HBP1: variants seen among roughly 807,000 people sequenced by gnomAD.
HBP1 encodes HMG box-containing protein 1.
Under a neutral mutation model 62.6 loss-of-function variants are expected in HBP1, and 20 were observed. That is an observed-to-expected ratio of 0.32 (90% confidence interval 0.22 to 0.46). The LOEUF (loss-of-function observed/expected upper bound fraction) is 0.46, where lower values mean the gene tolerates loss of function less well. HBP1 is among the 20% of genes least tolerant of loss of function. The pLI is 1.00. For missense variants in HBP1, 480 were observed against 611.8 expected, an observed-to-expected ratio of 0.78 and a Z score of 2.27; for synonymous variants, 232 against 206.2, an observed-to-expected ratio of 1.12 and a Z score of -1.07.
chr7:107,183,973 TAG>T (rs1259575826), intron 3 of HBP1, among the ~76,000 whole-genome samples: 1 of 152,172 alleles, frequency 6.6e-6, no homozygotes, highest in African/African-American at 2.4e-5. Context: ...TACCCCTGAA[TAG>T]AGAGAGAGAT....
chr7:107,180,813 A>G (rs1466355815), intron 2 of HBP1, among the ~76,000 whole-genome samples: 1 of 152,188 alleles, frequency 6.6e-6, no homozygotes, highest in East Asian at 1.9e-4. Context: ...TCTGGACCCT[A>G]GTATTTATTG....
At chr7:107,199,254 A>G (rs1173204796) in intron 9 of HBP1, among the ~76,000 whole-genome samples, 4 of 152,008 alleles carry the variant, frequency 2.6e-5, no homozygotes, top group African/African-American at 9.7e-5. Context: ...CCTGGCAAAT[A>G]GTAGAGATGG....
chr7:107,195,178 C>T (rs1385009520), intron 8 of HBP1, among the ~76,000 whole-genome samples: 5 of 152,180 alleles, frequency 3.3e-5, no homozygotes, highest in African/African-American at 7.2e-5. Context: ...TGTGCTGCCA[C>T]GCCTAGCTGA....
At chr7:107,180,918 C>T (rs560900379) in intron 2 of HBP1, among the ~76,000 whole-genome samples, 4 of 152,060 alleles carry the variant, frequency 2.6e-5, no homozygotes, top group South Asian at 4.2e-4. Context: ...AACTTAGGGC[C>T]GAGGGGAGTA....
rs1348390072 is a variant in HBP1, at chr7:107,202,488, T to TATTA, written c.*1058_*1061dup. The TATTA allele has an allele frequency of 1.3e-5, 2 of 152,614 alleles. No individual in the cohort carries two copies. Among genetic ancestry groups the TATTA allele is most frequent in the African/African-American group, 4.8e-5 (2 of 41,448 alleles). The allele number at this position is 152,614 out of a possible 1,614,324, so 9.5% of individuals were successfully genotyped here. A position where few individuals can be genotyped will look rare whatever the true frequency, so the allele number is the denominator to read the frequency against. ...AAATTTTGCACACTATATTCTTGTA[T>TATTA]ATTATTTCAAATAAATGGAAAAAAA... On this transcript the variant is annotated 3_prime_UTR_variant, in exon 11 of 11. Transcript: ENST00000222574.
intron 6 of HBP1, among the ~76,000 whole-genome samples, chr7:107,187,496 A>C (rs1167257775): frequency 6.6e-6 from 1 of 152,176 alleles, no homozygotes; most frequent in Non-Finnish European, 1.5e-5. Context: ...TAATTTCTCC[A>C]TCTCTCCTGT....
intron 2 of HBP1, 48 bp downstream of exon 2, chr7:107,180,110 A>C (rs1168997314): frequency 7.8e-7 from 1 of 1,279,690 alleles, no homozygotes; most frequent in East Asian, 2.4e-5. Context: ...GATTCAGATA[A>C]ATTTTTCTAC....
At chr7:107,187,621 C>T (rs959849601) in intron 6 of HBP1, among the ~76,000 whole-genome samples, 3 of 148,848 alleles carry the variant, frequency 2.0e-5, no homozygotes, top group African/African-American at 7.3e-5. Context: ...CCTTCAGTTT[C>T]GTCCCCTTGC....
chr7:107,199,644 C>CTG (rs1798112257), intron 9 of HBP1, among the ~76,000 whole-genome samples: 1 of 152,196 alleles, frequency 6.6e-6, no homozygotes, highest in Non-Finnish European at 1.5e-5. Flanking sequence ...TGGTTTACAT[C>CTG]TGTGTGCCTA....
intron 8 of HBP1, among the ~76,000 whole-genome samples, chr7:107,193,661 T>G (rs974074756): frequency 6.6e-6 from 1 of 152,174 alleles, no homozygotes; most frequent in African/African-American, 2.4e-5. Flanking sequence ...GATTAAAAAA[T>G]GAGTTAAGAA....
chr7:107,193,785 C>T (rs138243280), intron 8 of HBP1, among the ~76,000 whole-genome samples: 13 of 152,270 alleles, frequency 8.5e-5, no homozygotes, highest in African/African-American at 2.6e-4. Context: ...TGAGCTCGAT[C>T]TGGACTGCCT....
intron 3 of HBP1, 74 bp downstream of exon 3, chr7:107,182,675 T>C: frequency 1.3e-6 from 1 of 772,450 alleles, no homozygotes; most frequent in African/African-American, 1.7e-5. Flanking sequence ...ATTTTTCTAG[T>C]TTAAAAGTAG....
Position 107,196,091 on chromosome 7 carries a change from T to C in HBP1, c.1325T>C (p.Met442Thr), listed in dbSNP as rs1797884698. The C allele has an allele frequency of 6.2e-7, 1 of 1,613,182 alleles. No homozygotes were observed. Among genetic ancestry groups the C allele is most frequent in the Non-Finnish European group, 8.5e-7 (1 of 1,179,110 alleles). ...NKCKRPMNAF[M>T]LFAKKYRVEY... Reference sequence around the variant, plus strand: ...TGCAAAAGACCAATGAATGCCTTCATGCTTTTTGCCAAAAAATACAGAGTT... The same window carrying C: ...TGCAAAAGACCAATGAATGCCTTCACGCTTTTTGCCAAAAAATACAGAGTT... The change falls in exon 9 of 11, where the codon ATG becomes ACG. Residue 442 changes from methionine to threonine, a missense_variant. Coordinates refer to ENST00000222574, the MANE Select transcript of HBP1 (RefSeq NM_012257.4).
rs538604670 is a variant in HBP1, at chr7:107,200,223, C to T, written c.1449C>T (p.Tyr483=). The T allele has an allele frequency of 3.1e-6, 5 of 1,611,200 alleles. No homozygotes were observed. Among genetic ancestry groups the T allele is most frequent in the Admixed American group, 1.7e-5 (1 of 59,874 alleles). ...TGAAGAATGAAGAGAGAAGAATGTA[C>T]ACATTAGAAGCAAAGGCTTTGGCTG... is the stretch of plus-strand genomic sequence containing the variant. ...KKMKNEERRM[Y]TLEAKALAEE... is the part of the protein sequence containing the mutation. The change falls in exon 10 of 11, where the codon TAC becomes TAT. Residue 483 remains tyrosine (Y), a synonymous_variant. Coordinates refer to ENST00000222574, the MANE Select transcript of HBP1 (RefSeq NM_012257.4).
Sources: gnomAD v4.1 joint callset for allele counts (sites outside exome capture counted in the v4.1 genomes callset) on GRCh38, gnomAD v4.1.1 for gene constraint, MANE v1.5 for transcripts, NCBI Gene and HGNC (gene_info 2026-07-23, HGNC 2026-07-21) for gene names.